Variants in PALB2 observed in about 807,000 individuals in gnomAD.
The protein encoded by PALB2 is partner and localizer of BRCA2, also known as mutant partner and localizer of BRCA2.
PALB2 carries 82 observed loss-of-function variants against 107.4 expected under a neutral mutation model. The ratio of observed to expected loss-of-function variants is 0.76; its 90% CI spans 0.64 to 0.92. The LOEUF (loss-of-function observed/expected upper bound fraction) is 0.92. Ranked by LOEUF, PALB2 falls within the 40% of genes least tolerant of loss-of-function variation. The pLI, the probability that PALB2 is intolerant of heterozygous loss-of-function variation, is 0.00. For synonymous variants in PALB2, 489 were observed against 496.8 expected, an observed-to-expected ratio of 0.98 and a Z score of 0.21; for missense variants, 1,374 against 1,379.9, an observed-to-expected ratio of 1.00 and a Z score of 0.07.
chr16:23,618,912 G>A (rs1966727362), intron 10 of PALB2, among the ~76,000 whole-genome samples: 1 of 152,204 alleles, frequency 6.6e-6, no homozygotes, highest in African/African-American at 2.4e-5. Context: ...CAGGACATCT[G>A]AAAGCAGGGT....
chr16:23,631,391 C>T (rs1247250681), intron 4 of PALB2, among the ~76,000 whole-genome samples: 2 of 151,190 alleles, frequency 1.3e-5, no homozygotes, highest in Non-Finnish European at 2.9e-5. Flanking sequence ...ATCACTTGAA[C>T]CCGGGAGGCA....
chr16:23,612,662 G>A (rs1257700038), intron 11 of PALB2, among the ~76,000 whole-genome samples: 1 of 152,018 alleles, frequency 6.6e-6, no homozygotes, highest in African/African-American at 2.4e-5. Context: ...GAGTAGCTGG[G>A]ACTACAGCTG....
intron 6 of PALB2, among the ~76,000 whole-genome samples, chr16:23,628,303 C>G (rs1966850955): frequency 6.6e-6 from 1 of 152,154 alleles, no homozygotes; most frequent in African/African-American, 2.4e-5. Flanking sequence ...TACTATGCAT[C>G]CTTTATAGAA....
chr16:23,628,559 A>T (rs892123927), intron 6 of PALB2, among the ~76,000 whole-genome samples: 9 of 152,234 alleles, frequency 5.9e-5, no homozygotes, highest in African/African-American at 2.2e-4. Flanking sequence ...ACCATAAGTG[A>T]TTCTTCCAGA....
chr16:23,605,841 G>A (rs1441436912), intron 12 of PALB2: 1 of 152,198 alleles, frequency 6.6e-6, no homozygotes, highest in East Asian at 1.9e-4. Flanking sequence ...TGTAAAACAG[G>A]CCCCAGAAAG....
chr16:23,630,344 G>A lies in PALB2; in HGVS notation c.1810C>T (p.Leu604=), dbSNP rs144015319. ...RDGMLSLKQL[L]SFLSITDFQL... is the part of the protein sequence containing the mutation. ...AAGTCTGTGATACTGAGAAAAGACA[G>A]TAGTTGCTTTAAACTCAGCATTCCA... is the stretch of plus-strand genomic sequence containing the variant. The change falls in exon 5 of 13, where the codon CTG becomes TTG. Residue 604 remains leucine, a synonymous_variant. Transcript: ENST00000261584. 3.1e-4 allele frequency: 499 copies of A among 1,614,164 alleles called. 3 individuals carry two copies. The African/African-American group carries it at 6.1e-3, about 20-fold the overall frequency.
At chr16:23,613,244 A>C (rs1966619174) in intron 11 of PALB2, among the ~76,000 whole-genome samples, 1 of 152,166 alleles carries the variant, frequency 6.6e-6, no homozygotes, top group Non-Finnish European at 1.5e-5. Context: ...GCTACTGAAT[A>C]TTGGAGCTTA....
intron 6 of PALB2, among the ~76,000 whole-genome samples, chr16:23,628,752 G>A (rs1349054901): frequency 1.3e-5 from 2 of 152,096 alleles, no homozygotes; most frequent in East Asian, 3.9e-4. Context: ...TCTTCCCTCA[G>A]CCTCCCTAGC....
chr16:23,609,528 T>A (rs1026040838), intron 11 of PALB2, among the ~76,000 whole-genome samples: 3 of 152,212 alleles, frequency 2.0e-5, no homozygotes. Flanking sequence ...AACACAATTT[T>A]TTTTTTTGAG....
chr16:23,638,561 T>G, intron 1 of PALB2: 1 of 458,022 alleles, frequency 2.2e-6, no homozygotes, highest in Non-Finnish European at 4.4e-6. Flanking sequence ...AATCTTCTAT[T>G]TATCCGTTAA....
intron 12 of PALB2, among the ~76,000 whole-genome samples, chr16:23,607,590 G>A (rs1013856729): frequency 1.3e-5 from 2 of 151,708 alleles, no homozygotes; most frequent in South Asian, 4.2e-4. Flanking sequence ...TCCACCATGT[G>A]CTGCCAAAAT....
chr16:23,630,698 A>G (rs1966869331), intron 4 of PALB2, among the ~76,000 whole-genome samples: 1 of 152,246 alleles, frequency 6.6e-6, no homozygotes, highest in Non-Finnish European at 1.5e-5. Context: ...AAACTCAAAT[A>G]TACTAAAAAA....
intron 11 of PALB2, among the ~76,000 whole-genome samples, chr16:23,608,891 G>A (rs1431615143): frequency 3.3e-5 from 5 of 151,276 alleles, no homozygotes; most frequent in African/African-American, 9.7e-5. Flanking sequence ...GCAATGGTGC[G>A]ATCTCAGCTC....
intron 4 of PALB2, among the ~76,000 whole-genome samples, chr16:23,633,017 C>G (rs890957254): frequency 6.6e-6 from 1 of 152,128 alleles, no homozygotes; most frequent in Admixed American, 6.5e-5. Flanking sequence ...TCGCTTGAAC[C>G]TGGGAGGCAG....
chr16:23,635,906 T>G lies in PALB2; in HGVS notation c.640A>C (p.Thr214Pro), dbSNP rs1555461694. Residue 214 changes from threonine to proline, a missense_variant, in exon 4 of 13, where the codon ACA becomes CCA. By Grantham distance (38) the Thr-to-Pro change is conservative. Coordinates refer to ENST00000261584, the MANE Select transcript of PALB2 (RefSeq NM_024675.4). ...SELPDSPEPV[T>P]EINEDSVLIP... ...AATACACTGTCTTCATTAATTTCTG[T>G]AACTGGTTCTGGAGAATCTGGAAGT... 1 of 1,614,182 alleles carries G rather than the reference T, an allele frequency of 6.2e-7. No homozygotes were observed. The highest frequency in any genetic ancestry group is 8.5e-7 in the Non-Finnish European group (1 of 1,180,026).
chr16:23,636,824 T>C (rs1967074592), intron 3 of PALB2, among the ~76,000 whole-genome samples: 2 of 152,204 alleles, frequency 1.3e-5, no homozygotes, highest in Non-Finnish European at 2.9e-5. Flanking sequence ...GTAATTTTAA[T>C]AACACTCCCA....
At position 23,609,752 on chromosome 16, in the gene PALB2, A is replaced by G. The variant is rs549182016; in HGVS notation, c.3202-1740T>C. Among the ~76,000 whole-genome samples, 21 of 152,152 alleles carry G rather than the reference A, an allele frequency of 1.4e-4. No homozygotes were observed. The East Asian group carries it at 2.9e-3, about 21-fold the overall frequency. On this transcript the variant is annotated intron_variant, in intron 11 of 12. Coordinates refer to ENST00000261584, the MANE Select transcript of PALB2 (RefSeq NM_024675.4). Reference sequence around the variant, plus strand: ...AGGATGGTCTCGATCTCCTGACCTCATGATCCGCCCGCCTTAGCCTCCCAA... The same window carrying G: ...AGGATGGTCTCGATCTCCTGACCTCGTGATCCGCCCGCCTTAGCCTCCCAA...
chr16:23,624,535 C>A (rs551578199), intron 7 of PALB2, among the ~76,000 whole-genome samples: 1 of 151,394 alleles, frequency 6.6e-6, no homozygotes, highest in African/African-American at 2.4e-5. Context: ...TTTTTTGAGT[C>A]GGAGTTTCAC....
chr16:23,629,993 T>TC lies in PALB2; in HGVS notation c.2160_2161insG (p.Thr721AspfsTer24), dbSNP rs1555460465. ...GGGAAAGCAGGTGAACACATGTCTG[T>TC]GGTAGGCCTGTCATTATCATCAGGC... On this transcript the variant is annotated frameshift_variant, in exon 5 of 13. Coordinates refer to ENST00000261584, the MANE Select transcript of PALB2 (RefSeq NM_024675.4). LOFTEE classifies it high-confidence loss of function. 6.2e-7 allele frequency: 1 copy of TC among 1,614,146 alleles called. No homozygotes were observed. Among genetic ancestry groups the TC allele is most frequent in the Non-Finnish European group, 8.5e-7 (1 of 1,180,030 alleles).
Sources: gnomAD v4.1 joint callset for allele counts (sites outside exome capture counted in the v4.1 genomes callset) on GRCh38, gnomAD v4.1.1 for gene constraint, MANE v1.5 for transcripts, NCBI Gene and HGNC (gene_info 2026-07-23, HGNC 2026-07-21) for gene names.